AKAP6: variants seen among roughly 807,000 people sequenced by gnomAD.
AKAP6 encodes the protein A-kinase anchor protein 6.
In AKAP6, 58 loss-of-function variants were observed where a neutral mutation model predicts 188.5. The ratio of observed to expected loss-of-function variants is 0.31; its 90% CI spans 0.25 to 0.38. The LOEUF is 0.38. Ranked by LOEUF, AKAP6 falls within the 10% of genes least tolerant of loss-of-function variation. The pLI, the probability that AKAP6 is intolerant of heterozygous loss-of-function variation, is 1.00. For missense variants in AKAP6, 2,710 were observed against 2,740.0 expected (o/e 0.99, Z 0.24); for synonymous variants, 989 against 998.6 (o/e 0.99, Z 0.18).
chr14:32,798,089 GA>G (rs1332768310), intron 12 of AKAP6, among the ~76,000 whole-genome samples: 1 of 152,094 alleles, frequency 6.6e-6, no homozygotes, highest in Non-Finnish European at 1.5e-5. Context: ...CAAAGGACAT[GA>G]ACAGACACTT....
Position 32,408,888 on chromosome 14 carries a change from C to T in AKAP6, c.-34-24572C>T, listed in dbSNP as rs190623135. On this transcript the variant is annotated intron_variant, in intron 1 of 13. Transcript: ENST00000280979. ...GTGTGGCATGATTAGTTGATATAAC[C>T]CAATAAGATTAGTTTATATAGGCAG... 1.0e-3 allele frequency among the ~76,000 whole-genome samples: 158 copies of T among 152,126 alleles called. 1 individual carries two copies. The highest frequency in any genetic ancestry group is 3.7e-3 in the African/African-American group (154 of 41,510).
chr14:32,554,586 A>G (rs550776027), intron 4 of AKAP6, among the ~76,000 whole-genome samples: 68 of 152,302 alleles, frequency 4.5e-4, no homozygotes, highest in African/African-American at 1.6e-3. Flanking sequence ...AATTTAGACA[A>G]TAATCACATA....
chr14:32,650,940 T>C (rs1888196852), intron 7 of AKAP6, among the ~76,000 whole-genome samples: 1 of 152,190 alleles, frequency 6.6e-6, no homozygotes, highest in Non-Finnish European at 1.5e-5. Flanking sequence ...CAAAGAGGAT[T>C]GTAAAGTTTG....
chr14:32,759,357 C>T lies in AKAP6; in HGVS notation c.3373-14321C>T, dbSNP rs563155242. 4.2e-4 allele frequency among the ~76,000 whole-genome samples: 64 copies of T among 152,234 alleles called. No homozygotes were observed. In the South Asian group the frequency reaches 0.013, roughly 30 times the overall value. On this transcript the variant is annotated intron_variant, in intron 11 of 13. Transcript: ENST00000280979. ...CCATCATGCCCTCTGCCTTTTTCCT[C>T]GTGCCCTCTGCCTTTTCTCAAAATA...
chr14:32,657,998 G>A (rs1470597423), intron 7 of AKAP6, among the ~76,000 whole-genome samples: 1 of 152,018 alleles, frequency 6.6e-6, no homozygotes, highest in African/African-American at 2.4e-5. Context: ...AACTAGTCTA[G>A]CACATTTGGA....
intron 12 of AKAP6, among the ~76,000 whole-genome samples, chr14:32,775,336 AG>A (rs1433607812): frequency 1.3e-5 from 2 of 152,084 alleles, no homozygotes; most frequent in African/African-American, 4.8e-5. Flanking sequence ...ACTGCTTTGG[AG>A]GAGGCAAAGT....
Position 32,389,616 on chromosome 14 carries a change from T to C in AKAP6, c.-34-43844T>C, listed in dbSNP as rs146949529. Among the ~76,000 whole-genome samples, 416 of 152,188 alleles carry C rather than the reference T, an allele frequency of 2.7e-3. 11 individuals are homozygous for C. In the East Asian group the frequency reaches 0.057, roughly 21 times the overall value. On this transcript the variant is annotated intron_variant, in intron 1 of 13. Coordinates refer to ENST00000280979, the MANE Select transcript of AKAP6 (RefSeq NM_004274.5). ...CCTTCATATATGAAGCTTAGTTTCA[T>C]TGGATATAAAATTTTTGGCTGATAA...
At chr14:32,772,867 C>T (rs1273643000) in intron 11 of AKAP6, among the ~76,000 whole-genome samples, 22 of 152,050 alleles carry the variant, frequency 1.4e-4, no homozygotes, top group Admixed American at 1.2e-3. Flanking sequence ...CTGAAGGCTC[C>T]GAATTAGAAT....
chr14:32,523,791 TAA>T (rs55994452), intron 2 of AKAP6, among the ~76,000 whole-genome samples: 16 of 107,132 alleles, frequency 1.5e-4, no homozygotes, highest in Admixed American at 2.1e-4. Context: ...TCCTCCTGAT[TAA>T]AAAAAAAAAA....
intron 12 of AKAP6, among the ~76,000 whole-genome samples, chr14:32,800,065 A>C (rs145946602): frequency 0.14 from 17,943 of 128,784 alleles, 1,296 homozygotes; most frequent in Middle Eastern, 0.25. Flanking sequence ...CTCTCTCTAT[A>C]TATATAGAAA....
At chr14:32,573,253 G>A (rs1884573226) in intron 4 of AKAP6, among the ~76,000 whole-genome samples, 1 of 152,188 alleles carries the variant, frequency 6.6e-6, no homozygotes, top group Non-Finnish European at 1.5e-5. Flanking sequence ...TTCAGCCTGT[G>A]GCAGAGAGTA....
chr14:32,549,367 C>T (rs779356353), intron 4 of AKAP6, among the ~76,000 whole-genome samples: 2 of 152,220 alleles, frequency 1.3e-5, no homozygotes, highest in Middle Eastern at 3.4e-3. Context: ...GAAGGATGTA[C>T]AGGATTCAGA....
chr14:32,591,390 T>G (rs1885478143), intron 5 of AKAP6, among the ~76,000 whole-genome samples: 1 of 151,948 alleles, frequency 6.6e-6, no homozygotes, highest in Non-Finnish European at 1.5e-5. Context: ...GATCTCTCCC[T>G]TCTATCTAAT....
chr14:32,534,742 G>A (rs552768510), intron 2 of AKAP6, among the ~76,000 whole-genome samples: 10 of 152,056 alleles, frequency 6.6e-5, no homozygotes, highest in Admixed American at 2.0e-4. Flanking sequence ...GAGGTGGGTG[G>A]ATCACCTGAG....
In AKAP6 at chr14:32,708,980, C is replaced by T. The variant is rs185176706; in HGVS notation, c.3000+12870C>T. On this transcript the variant is annotated intron_variant, in intron 9 of 13. Transcript: ENST00000280979. ...CTTATAAACCAGGAGCCAAAATCCT[C>T]ATGTTAACTTAAGTATAAATGAGTC... Among the ~76,000 whole-genome samples the T allele has an allele frequency of 3.3e-5, 5 of 152,158 alleles. No individual in the cohort carries two copies. In the East Asian group the frequency reaches 9.7e-4, roughly 29 times the overall value.
At chr14:32,379,216 A>G (rs949892368) in intron 1 of AKAP6, among the ~76,000 whole-genome samples, 30 of 152,148 alleles carry the variant, frequency 2.0e-4, no homozygotes, top group African/African-American at 7.0e-4. Flanking sequence ...CACTGCGCCC[A>G]GCCATGAGTG....
At chr14:32,416,048 T>G (rs2138663357) in intron 1 of AKAP6, among the ~76,000 whole-genome samples, 1 of 152,312 alleles carries the variant, frequency 6.6e-6, no homozygotes, top group African/African-American at 2.4e-5. Flanking sequence ...TTCAATCAAT[T>G]TGGGCATATA....
intron 9 of AKAP6, among the ~76,000 whole-genome samples, chr14:32,711,199 G>T (rs568101515): frequency 6.6e-6 from 1 of 152,036 alleles, no homozygotes; most frequent in South Asian, 2.1e-4. Flanking sequence ...TTTTCCTTTT[G>T]TAACAACCCA....
chr14:32,333,957 C>T (rs1442498875), intron 1 of AKAP6, among the ~76,000 whole-genome samples: 4 of 152,198 alleles, frequency 2.6e-5, no homozygotes, highest in Non-Finnish European at 5.9e-5. Context: ...GTACCAACTA[C>T]ACACTTAGTT....
Sources: gnomAD v4.1 joint callset for allele counts (sites outside exome capture counted in the v4.1 genomes callset) on GRCh38, gnomAD v4.1.1 for gene constraint, MANE v1.5 for transcripts, NCBI Gene and HGNC (gene_info 2026-07-23, HGNC 2026-07-21) for gene names.